The following UBR2 variants were observed in gnomAD, a reference collection of about 807,000 sequenced individuals.
The protein encoded by UBR2 is ubiquitin protein ligase E3 component n-recognin 2, also known as E3 ubiquitin-protein ligase UBR2.
UBR2 carries 92 observed loss-of-function variants against 247.9 expected under a neutral mutation model. That is an observed-to-expected ratio of 0.37 (90% CI 0.31 to 0.44). The LOEUF is 0.44. Among genes scored for constraint, UBR2 ranks in the 20% least tolerant of loss-of-function variants. The pLI, the probability that UBR2 is intolerant of heterozygous loss-of-function variation, is 1.00. For synonymous variants in UBR2, 672 were observed against 693.5 expected, an observed-to-expected ratio of 0.97 and a Z score of 0.49; for missense variants, 1,613 against 2,112.6, an observed-to-expected ratio of 0.76 and a Z score of 4.64.
chr6:42,586,009 T>C (rs192634607), intron 2 of UBR2, among the ~76,000 whole-genome samples: 11 of 152,296 alleles, frequency 7.2e-5, no homozygotes, highest in Non-Finnish European at 2.9e-5. Flanking sequence ...AGATAACATA[T>C]TGTAACTTAT....
chr6:42,659,554 C>CACT lies in UBR2; in HGVS notation c.3243-100_3243-99insTAC, dbSNP rs1562371031. Reference sequence around the variant, plus strand: ...ACACACACACACACACACACACACACACACACACTACACACACACACACAT... The same window carrying CACT: ...ACACACACACACACACACACACACACACTACACACACTACACACACACACACAT... On this transcript the variant is annotated intron_variant, in intron 29 of 46. Transcript: ENST00000372901. This position sits in a 1 kb window ranked among gnomAD's most constrained non-coding sequence, Gnocchi z 4.3. 1.2e-5 allele frequency: 10 copies of CACT among 807,660 alleles called. No individual in the cohort carries two copies. Among genetic ancestry groups the CACT allele is most frequent in the African/African-American group, 1.1e-4 (6 of 55,090 alleles). The allele number at this position is 807,660 out of a possible 1,614,324, so 50.0% of individuals were successfully genotyped here.
chr6:42,653,606 C>CTT lies in UBR2; in HGVS notation c.2769+988_2769+989dup, dbSNP rs72460060. Among the ~76,000 whole-genome samples, 108 of 50,614 alleles carry CTT rather than the reference C, an allele frequency of 2.1e-3. 7 individuals are homozygous for CTT. Among genetic ancestry groups the CTT allele is most frequent in the African/African-American group, 8.3e-3 (93 of 11,188 alleles). The allele number at this position is 50,614 out of a possible 152,430, so 33.2% of individuals were successfully genotyped here. ...TTTATGCCTTATTCCATGCTAAGCC[C>CTT]TTTTTTTTTTTTTTTTTTTTTTTTT... On this transcript the variant is annotated intron_variant, in intron 25 of 46. Transcript: ENST00000372901.
rs1277244640 is a variant in UBR2, at chr6:42,692,480, G to A, written c.*1307G>A. ...TACCACACAACTACTATTGTTTGAT[G>A]TATGACTGCTGAGAGCTTGAATACA... On this transcript the variant is annotated 3_prime_UTR_variant, in exon 47 of 47. Coordinates refer to ENST00000372901, the MANE Select transcript of UBR2 (RefSeq NM_001363705.2). The A allele has an allele frequency of 6.6e-6, 1 of 152,190 alleles. No individual in the cohort carries two copies. Among genetic ancestry groups the A allele is most frequent in the African/African-American group, 2.4e-5 (1 of 41,446 alleles). The allele number at this position is 152,190 out of a possible 1,614,324, so 9.4% of individuals were successfully genotyped here. A position where few individuals can be genotyped will look rare whatever the true frequency, so the allele number is the denominator to read the frequency against.
rs550626141 is a variant in UBR2, at chr6:42,674,685, C to T, written c.4251+492C>T. Among the ~76,000 whole-genome samples, 11 of 152,072 alleles carry T rather than the reference C, an allele frequency of 7.2e-5. No individual in the cohort carries two copies. In the East Asian group the frequency reaches 1.9e-3, roughly 27 times the overall value. ...AGTGAGACAGGAGAATCACTTGAAC[C>T]CAGGAGGCGGAGGTTGCAGTGACCA... On this transcript the variant is annotated intron_variant, in intron 38 of 46. Transcript: ENST00000372901.
intron 17 of UBR2, 65 bp from the exon 18 acceptor site, chr6:42,642,351 G>A (rs1796497899): frequency 1.7e-6 from 2 of 1,143,822 alleles, no homozygotes; most frequent in African/African-American, 1.6e-5. Context: ...TGCTTTTGGG[G>A]AAGGATTAGA....
At chr6:42,649,689 C>T (rs1035996450) in intron 22 of UBR2, among the ~76,000 whole-genome samples, 3 of 152,054 alleles carry the variant, frequency 2.0e-5, no homozygotes, top group African/African-American at 7.2e-5. Context: ...TTTATTTTTT[C>T]ATACTTTAAT....
chr6:42,655,530 C>A, intron 25 of UBR2, 91 bp from the exon 26 acceptor site: 1 of 663,334 alleles, frequency 1.5e-6, no homozygotes, highest in South Asian at 2.5e-5. Flanking sequence ...TTTGATTTAT[C>A]TTTTTCAATA....
chr6:42,574,516 C>G (rs114602357), intron 2 of UBR2, among the ~76,000 whole-genome samples: 2 of 152,080 alleles, frequency 1.3e-5, no homozygotes, highest in Admixed American at 1.3e-4. Context: ...AAACCAAGAT[C>G]TGGGTGCTGT....
chr6:42,639,571 A>G (rs1469557793), intron 15 of UBR2, among the ~76,000 whole-genome samples: 1 of 152,022 alleles, frequency 6.6e-6, no homozygotes, highest in Non-Finnish European at 1.5e-5. Context: ...TTAGAAACTA[A>G]TGAGGCTTTG....
chr6:42,674,285 GTTA>G, intron 38 of UBR2, 92 bp downstream of exon 38: 1 of 1,174,470 alleles, frequency 8.5e-7, no homozygotes, highest in South Asian at 1.4e-5. Flanking sequence ...ACAGGAAGGA[GTTA>G]TGTGATTTCC....
intron 7 of UBR2, 108 bp downstream of exon 7, chr6:42,606,759 A>T: frequency 1.2e-6 from 1 of 856,362 alleles, no homozygotes; most frequent in Admixed American, 3.0e-5. Flanking sequence ...GAAAACCAAA[A>T]ATTATGTTTA....
At chr6:42,639,906 T>C (rs1796319142) in intron 15 of UBR2, among the ~76,000 whole-genome samples, 1 of 151,916 alleles carries the variant, frequency 6.6e-6, no homozygotes, top group East Asian at 1.9e-4. Context: ...CGGGTGCCTG[T>C]GGTCCCAGCT....
intron 32 of UBR2, 28 bp from the exon 33 acceptor site, chr6:42,665,381 A>G: frequency 6.5e-7 from 1 of 1,528,520 alleles, no homozygotes; most frequent in Non-Finnish European, 9.0e-7. Context: ...ATAATAAAAC[A>G]CTAAATACTC....
chr6:42,631,839 T>C (rs1384068102), intron 11 of UBR2, among the ~76,000 whole-genome samples: 32 of 136,694 alleles, frequency 2.3e-4, no homozygotes, highest in African/African-American at 7.9e-4. Context: ...GTGTGTGTAT[T>C]ATGTAGTATA....
chr6:42,579,768 A>G (rs1293665828), intron 2 of UBR2, among the ~76,000 whole-genome samples: 1 of 152,192 alleles, frequency 6.6e-6, no homozygotes, highest in Non-Finnish European at 1.5e-5. Flanking sequence ...TTGGCCTCCC[A>G]AAGTGCTGGG....
At chr6:42,606,717 A>G (rs1562303010) in intron 7 of UBR2, 66 bp downstream of exon 7, 2 of 1,329,436 alleles carry the variant, frequency 1.5e-6, no homozygotes, top group East Asian at 4.9e-5. Context: ...ATATTTCAGC[A>G]TTTATGAACA....
chr6:42,571,736 CAAAAAAA>C (rs55993422), intron 1 of UBR2, among the ~76,000 whole-genome samples: 3 of 82,150 alleles, frequency 3.7e-5, no homozygotes, highest in Non-Finnish European at 7.2e-5. Context: ...GCACGAGACT[CAAAAAAA>C]AAAAAAAAAA....
chr6:42,627,894 AG>A (rs1185520880), intron 11 of UBR2, among the ~76,000 whole-genome samples: 1 of 152,220 alleles, frequency 6.6e-6, no homozygotes, highest in Non-Finnish European at 1.5e-5. Context: ...GCCTGCACCC[AG>A]GAATGAATAA....
chr6:42,593,689 G>T (rs775054114), intron 3 of UBR2, among the ~76,000 whole-genome samples: 1 of 152,076 alleles, frequency 6.6e-6, no homozygotes, highest in Admixed American at 6.5e-5. Context: ...CCTATTACTT[G>T]TCCTTTCAAA....
Sources: gnomAD v4.1 joint callset for allele counts (sites outside exome capture counted in the v4.1 genomes callset) on GRCh38, gnomAD v4.1.1 for gene constraint, Gnocchi (gnomAD v3.1) non-coding constraint, MANE v1.5 for transcripts, NCBI Gene and HGNC (gene_info 2026-07-23, HGNC 2026-07-21) for gene names.